DMBT1: variants seen among roughly 807,000 people sequenced by gnomAD.
The protein encoded by DMBT1 is scavenger receptor cysteine-rich domain-containing protein DMBT1.
A neutral mutation model predicts 252.9 loss-of-function variants in DMBT1; 198 were observed. That is an observed-to-expected ratio of 0.78 (90% CI 0.70 to 0.88). The LOEUF (loss-of-function observed/expected upper bound fraction) is 0.88, where lower values mean the gene tolerates loss of function less well. Ranked by LOEUF, DMBT1 falls within the 40% of genes least tolerant of loss-of-function variation. The probability of loss-of-function intolerance (pLI) is 0.00; values close to 1 mark genes in which losing one functional copy is unlikely to be tolerated. For synonymous variants in DMBT1, 990 were observed against 942.7 expected (o/e 1.05, Z -0.92); for missense variants, 2,432 against 2,404.7 (o/e 1.01, Z -0.24).
rs767249185 is a variant in DMBT1 at position 122,579,882 on chromosome 10, C to T, written c.984C>T (p.Asp328=). The T allele has an allele frequency of 1.2e-4, 201 of 1,613,836 alleles. No homozygotes were observed. In the East Asian group the frequency reaches 2.7e-3, roughly 21 times the overall value. ...CCCACAACTGTGGCCATAGTGAAGA[C>T]GCTGGTGTCATCTGCTCAGGTGGGC... is the stretch of plus-strand genomic sequence containing the variant. ...WLTHNCGHSE[D]AGVICSAPQS... The change falls in exon 10 of 56, where the codon GAC becomes GAT. Residue 328 remains aspartate (D), a synonymous_variant. Transcript: ENST00000338354.
intron 25 of DMBT1, among the ~76,000 whole-genome samples, chr10:122,598,462 T>A (rs950220846): frequency 6.6e-6 from 1 of 152,180 alleles, no homozygotes; most frequent in Non-Finnish European, 1.5e-5. Context: ...GGGGAGAGTC[T>A]GGCCTGCCTA....
intron 44 of DMBT1, among the ~76,000 whole-genome samples, chr10:122,623,034 C>G (rs553094920): frequency 6.6e-6 from 1 of 152,290 alleles, no homozygotes; most frequent in South Asian, 2.1e-4. Context: ...CAACTGAAAG[C>G]TCTTACCCCT....
At chr10:122,621,507 A>C in intron 44 of DMBT1, 127 bp downstream of exon 44, 3 of 1,475,648 alleles carry the variant, frequency 2.0e-6, no homozygotes, top group Non-Finnish European at 9.1e-7. Context: ...AAGACTTGTT[A>C]GCTCTCTGCT....
At chr10:122,642,109 T>G (rs1009265809) in intron 55 of DMBT1, among the ~76,000 whole-genome samples, 3 of 152,020 alleles carry the variant, frequency 2.0e-5, no homozygotes, top group African/African-American at 7.3e-5. Context: ...TTTTCCCAAG[T>G]GTCCCACCTC....
rs532371387 is a variant in DMBT1 at position 122,600,073 on chromosome 10, C to A, written c.3290C>A (p.Ser1097Tyr). ...DAGVICSASQ[S>Y]RPTPSPDTWP... ...CTTCTCTTTCTCACAGCTTCCCAGT[C>A]CCGGCCAACACCTAGTCCAGGTGGG... Residue 1097 changes from serine to tyrosine, a missense_variant, in exon 27 of 56, where the codon TCC (serine) becomes TAC (tyrosine). This residue lies in a region of DMBT1 where 1,264 missense variants were observed against 1,082.2 expected (regional missense o/e 1.17). Coordinates refer to ENST00000338354, the MANE Select transcript of DMBT1 (RefSeq NM_001377530.1). 30 of 1,607,442 alleles carry A rather than the reference C, an allele frequency of 1.9e-5. No homozygotes were observed. The highest frequency in any genetic ancestry group is 2.4e-5 in the Non-Finnish European group (28 of 1,178,288).
At chr10:122,600,746 A>T (rs1266167056) in intron 27 of DMBT1, among the ~76,000 whole-genome samples, 1 of 152,168 alleles carries the variant, frequency 6.6e-6, no homozygotes, top group Non-Finnish European at 1.5e-5. Context: ...TGGTGGGGGC[A>T]TCCTCTAAGA....
Position 122,601,171 on chromosome 10 carries a change from A to T in DMBT1, c.3343+148A>T, listed in dbSNP as rs571840652. On this transcript the variant is annotated intron_variant, in intron 28 of 55. Coordinates refer to ENST00000338354, the MANE Select transcript of DMBT1 (RefSeq NM_001377530.1). ...AGGAAGGTGGAATCTCTGAGGAGCC[A>T]GTGCTGGGTCTGATGTTTGAGGATG... 3.2e-4 allele frequency: 125 copies of T among 387,472 alleles called. No homozygotes were observed. In the African/African-American group the frequency reaches 7.0e-3, roughly 22 times the overall value. 24.0% of individuals were successfully genotyped at this position (387,472 alleles called of 1,614,324 possible).
intron 28 of DMBT1, 30 bp downstream of exon 28, chr10:122,601,053 C>T (rs2097950391): frequency 3.8e-6 from 3 of 796,462 alleles, no homozygotes; most frequent in Non-Finnish European, 6.1e-6. Context: ...CTCCCTAGGG[C>T]TCACTGTCTC....
chr10:122,600,595 A>T (rs149675384), intron 27 of DMBT1, among the ~76,000 whole-genome samples: 2,131 of 151,672 alleles, frequency 0.014, 61 homozygotes, highest in African/African-American at 0.048. Context: ...TTGTGATGTC[A>T]CTGCTTAACC....
At chr10:122,630,179 A>G (rs1338972240) in intron 47 of DMBT1, 109 bp from the exon 48 acceptor site, 13 of 1,364,086 alleles carry the variant, frequency 9.5e-6, no homozygotes, top group Non-Finnish European at 1.3e-5. Flanking sequence ...AGGAAGAGCT[A>G]GAAGAAAAAC....
rs896167623 is a variant in DMBT1 at position 122,576,820 on chromosome 10, C to A, written c.607+98C>A. 22 of 1,453,222 alleles carry A rather than the reference C, an allele frequency of 1.5e-5. No homozygotes were observed. In the Admixed American group the frequency reaches 1.6e-4, roughly 11 times the overall value. 90.0% of individuals were successfully genotyped at this position (1,453,222 alleles called of 1,614,324 possible). On this transcript the variant is annotated intron_variant, in intron 7 of 55. Coordinates refer to ENST00000338354, the MANE Select transcript of DMBT1 (RefSeq NM_001377530.1). ...GGTAGGCAGATTGCTTGAGCTCAGG[C>A]GTTCAAGACCAGCTCTAGGCAAGAT...
At chr10:122,563,836 G>T (rs553697148) in intron 1 of DMBT1, among the ~76,000 whole-genome samples, 5 of 152,170 alleles carry the variant, frequency 3.3e-5, no homozygotes, top group Non-Finnish European at 7.3e-5. Flanking sequence ...GGATGAGTTC[G>T]ACTGCCATGG....
Position 122,591,515 on chromosome 10 carries a change from T to C in DMBT1, c.2174T>C (p.Val725Ala). The change falls in exon 19 of 56, where the codon GTA (valine) becomes GCA (alanine). Residue 725 changes from valine to alanine, a missense_variant and splice_region_variant. Val to Ala is a moderately conservative substitution (Grantham distance 64). Around this residue, in one of 3 missense-constraint regions of DMBT1, gnomAD observed 1,264 missense variants for 1,082.2 expected, o/e 1.17. Transcript: ENST00000338354. ...LSTITLPPSTVGSESSLTLRL... is the reference protein window; with the variant it reads ...LSTITLPPSTAGSESSLTLRL... Reference sequence around the variant, plus strand: ...ACCATCACGTTACCTCCATCGACAGTAGGTAAATAATCCTCTCACCCCTCC... The same window carrying C: ...ACCATCACGTTACCTCCATCGACAGCAGGTAAATAATCCTCTCACCCCTCC... 6.3e-7 allele frequency: 1 copy of C among 1,585,708 alleles called. No homozygotes were observed. The highest frequency in any genetic ancestry group is 1.7e-5 in the Admixed American group (1 of 59,494).
At chr10:122,592,742 T>C in intron 20 of DMBT1, 147 bp downstream of exon 20, 1 of 1,411,414 alleles carries the variant, frequency 7.1e-7, no homozygotes, top group Non-Finnish European at 9.4e-7. Context: ...TAAGGATCTG[T>C]ATGAATTTTA....
Position 122,585,325 on chromosome 10 carries a change from G to A in DMBT1, c.1459+16G>A, listed in dbSNP as rs757922984. 57 of 1,583,948 alleles carry A rather than the reference G, an allele frequency of 3.6e-5. 8 individuals are homozygous for A. Among genetic ancestry groups the A allele is most frequent in the Non-Finnish European group, 4.3e-5 (50 of 1,162,496 alleles). On this transcript the variant is annotated intron_variant, in intron 15 of 55. Coordinates refer to ENST00000338354, the MANE Select transcript of DMBT1 (RefSeq NM_001377530.1). Reference sequence around the variant, plus strand: ...TCGACAGTAGGTAAATAATCCTCTCGCCCCTCCCTAGGGCTCACTCTCTAC... The same window carrying A: ...TCGACAGTAGGTAAATAATCCTCTCACCCCTCCCTAGGGCTCACTCTCTAC...
At chr10:122,565,645 G>C (rs2981767) in intron 1 of DMBT1, among the ~76,000 whole-genome samples, 101,961 of 152,102 alleles carry the variant, frequency 0.67, 34,546 homozygotes, top group East Asian at 0.77. Context: ...ACTGGACAAC[G>C]AGCTTAAGCT....
intron 16 of DMBT1, 74 bp from the exon 17 acceptor site, chr10:122,588,870 C>T: frequency 6.3e-7 from 1 of 1,576,994 alleles, no homozygotes; most frequent in Non-Finnish European, 8.6e-7. Flanking sequence ...AGGAAGTGCC[C>T]TGAGTGTGGA....
rs557188125 is a variant in DMBT1 at position 122,576,252 on chromosome 10, T to G, written c.284-147T>G. Reference sequence around the variant, plus strand: ...CACTGTCCTCTTCCCCATGAAGAACTCTAACCTTAAGGCCTGTTAAAGCCC... The same window carrying G: ...CACTGTCCTCTTCCCCATGAAGAACGCTAACCTTAAGGCCTGTTAAAGCCC... On this transcript the variant is annotated intron_variant, in intron 6 of 55. Coordinates refer to ENST00000338354, the MANE Select transcript of DMBT1 (RefSeq NM_001377530.1). The G allele has an allele frequency of 1.1e-5, 14 of 1,229,636 alleles. No individual in the cohort carries two copies. The East Asian group carries it at 3.5e-4, about 31-fold the overall frequency. The allele number at this position is 1,229,636 out of a possible 1,614,324, so 76.2% of individuals were successfully genotyped here.
intron 10 of DMBT1, 37 bp downstream of exon 10, chr10:122,579,938 T>C: frequency 1.9e-6 from 3 of 1,613,276 alleles, no homozygotes; most frequent in Non-Finnish European, 2.5e-6. Flanking sequence ...TCTCTTGGGG[T>C]GGAGTTTGCT....
Sources: allele counts gnomAD v4.1 joint callset (sites outside exome capture counted in the v4.1 genomes callset), GRCh38; gene constraint gnomAD v4.1.1; regional missense constraint gnomAD v4.1.1; transcripts MANE v1.5; gene names NCBI Gene and HGNC (gene_info 2026-07-23, HGNC 2026-07-21).